Variants in MACROD2 observed in about 807,000 individuals in gnomAD.
MACROD2 encodes the protein ADP-ribose glycohydrolase MACROD2.
A neutral mutation model predicts 70.4 loss-of-function variants in MACROD2; 36 were observed. That is an observed-to-expected ratio of 0.51 (90% CI 0.39 to 0.68). The LOEUF is 0.68. MACROD2 is among the 30% of genes least tolerant of loss of function. The probability of loss-of-function intolerance (pLI) is 0.00; values close to 1 mark genes in which losing one functional copy is unlikely to be tolerated. For synonymous variants in MACROD2, 172 were observed against 178.8 expected (o/e 0.96, Z 0.30); for missense variants, 496 against 538.4 (o/e 0.92, Z 0.78).
Position 15,968,797 on chromosome 20 carries a change from G to GTATA in MACROD2, c.985+1206_985+1209dup, listed in dbSNP as rs35259261. On this transcript the variant is annotated intron_variant, in intron 13 of 17. Coordinates refer to ENST00000684519, the MANE Select transcript of MACROD2 (RefSeq NM_001351661.2). The stretch of plus-strand genomic sequence containing the variant: ...AAACATATAATATTATATATTATGC[G>GTATA]TATATATATATATATATATATATAT... Among the ~76,000 whole-genome samples the GTATA allele has an allele frequency of 1.1e-3, 114 of 106,772 alleles. 1 individual carries two copies. The highest frequency in any genetic ancestry group is 1.7e-3 in the South Asian group (5 of 2,964). The allele number at this position is 106,772 out of a possible 152,430, so 70.0% of individuals were successfully genotyped here. A position where few individuals can be genotyped will look rare whatever the true frequency, so the allele number is the denominator to read the frequency against.
At chr20:15,360,737 T>A (rs2078342380) in intron 6 of MACROD2, among the ~76,000 whole-genome samples, 1 of 152,144 alleles carries the variant, frequency 6.6e-6, no homozygotes, top group Non-Finnish European at 1.5e-5. Flanking sequence ...TTCTTCCCCC[T>A]ACCTGTTCTA....
At chr20:16,026,199 G>T (rs67859218) in intron 15 of MACROD2, among the ~76,000 whole-genome samples, 29,154 of 151,780 alleles carry the variant, frequency 0.19, 3,181 homozygotes, top group African/African-American at 0.3. Context: ...CAAAAACAAA[G>T]GAGAATCAAA....
intron 11 of MACROD2, among the ~76,000 whole-genome samples, chr20:15,936,996 C>T (rs1487685150): frequency 6.6e-6 from 1 of 152,138 alleles, no homozygotes; most frequent in Non-Finnish European, 1.5e-5. Flanking sequence ...TTCTTCCAGG[C>T]CTCTGTGCTG....
intron 8 of MACROD2, among the ~76,000 whole-genome samples, chr20:15,663,783 G>A (rs188321177): frequency 6.6e-6 from 1 of 152,270 alleles, no homozygotes; most frequent in Admixed American, 6.5e-5. Flanking sequence ...AGAACGAGTA[G>A]CATTTTCTCC....
intron 6 of MACROD2, among the ~76,000 whole-genome samples, chr20:15,261,034 G>T (rs935288454): frequency 1.3e-5 from 2 of 151,832 alleles, no homozygotes; most frequent in African/African-American, 2.4e-5. Context: ...CAAACTATTG[G>T]CCTTGCTATA....
intron 5 of MACROD2, among the ~76,000 whole-genome samples, chr20:14,698,745 A>T (rs1289681875): frequency 3.3e-5 from 5 of 150,520 alleles, no homozygotes; most frequent in African/African-American, 1.2e-4. Context: ...AAACTTTATT[A>T]ATTTAATTAA....
chr20:16,024,075 G>A (rs966928136), intron 15 of MACROD2, among the ~76,000 whole-genome samples: 3 of 152,188 alleles, frequency 2.0e-5, no homozygotes, highest in Admixed American at 1.3e-4. Context: ...AAATAGCTAG[G>A]AGACTTAGGT....
At chr20:14,069,877 G>A (rs2053815797) in intron 2 of MACROD2, among the ~76,000 whole-genome samples, 2 of 151,716 alleles carry the variant, frequency 1.3e-5, no homozygotes, top group South Asian at 2.1e-4. Context: ...TTGCTTGCAC[G>A]TTGGTGTCTG....
intron 2 of MACROD2, among the ~76,000 whole-genome samples, chr20:14,082,726 T>G (rs1303388772): frequency 6.6e-6 from 1 of 152,154 alleles, no homozygotes; most frequent in Non-Finnish European, 1.5e-5. Context: ...GTCTGTCAAT[T>G]TAATGCCTGA....
At chr20:15,490,846 A>T (rs1187183901) in intron 7 of MACROD2, among the ~76,000 whole-genome samples, 1 of 152,220 alleles carries the variant, frequency 6.6e-6, no homozygotes, top group Non-Finnish European at 1.5e-5. Flanking sequence ...GCAAGGAGCC[A>T]GCAAGTCTAG....
chr20:15,937,645 G>C (rs2065685715), intron 12 of MACROD2, 101 bp downstream of exon 12: 3 of 1,070,098 alleles, frequency 2.8e-6, no homozygotes, highest in Non-Finnish European at 4.2e-6. Context: ...AATATAACTA[G>C]GTTTTCTTAA....
chr20:14,695,202 T>C (rs1022427731), intron 5 of MACROD2, among the ~76,000 whole-genome samples: 1 of 152,184 alleles, frequency 6.6e-6, no homozygotes, highest in Non-Finnish European at 1.5e-5. Context: ...TGCCCCATTC[T>C]GAAGGTTCCA....
intron 3 of MACROD2, among the ~76,000 whole-genome samples, chr20:14,336,536 A>T (rs1489264239): frequency 6.6e-6 from 1 of 152,012 alleles, no homozygotes; most frequent in Non-Finnish European, 1.5e-5. Flanking sequence ...CCAATATAAG[A>T]TTTTCCTATT....
intron 5 of MACROD2, among the ~76,000 whole-genome samples, chr20:15,183,906 C>G: frequency 6.6e-6 from 1 of 152,160 alleles, no homozygotes; most frequent in East Asian, 1.9e-4. Context: ...GCCTGGAGCC[C>G]CAATTCTTAA....
At chr20:14,277,244 G>A (rs2082267238) in intron 3 of MACROD2, among the ~76,000 whole-genome samples, 1 of 152,066 alleles carries the variant, frequency 6.6e-6, no homozygotes, top group African/African-American at 2.4e-5. Context: ...GTTCAGGAGA[G>A]TAAGACCATC....
intron 5 of MACROD2, among the ~76,000 whole-genome samples, chr20:15,220,965 G>A (rs186021703): frequency 1.3e-5 from 2 of 152,284 alleles, no homozygotes; most frequent in East Asian, 3.9e-4. Context: ...GCGTGTGGTG[G>A]CACGGGAGTG....
intron 6 of MACROD2, among the ~76,000 whole-genome samples, chr20:15,301,596 T>TTTTTTTTTTTG: frequency 7.2e-6 from 1 of 139,248 alleles, no homozygotes; most frequent in Non-Finnish European, 1.6e-5. Context: ...GTGGCCTTTT[T>TTTTTTTTTTTG]TTTTTTTTTT....
intron 4 of MACROD2, among the ~76,000 whole-genome samples, chr20:14,527,498 A>G (rs1269694959): frequency 2.9e-4 from 3 of 10,192 alleles, no homozygotes; most frequent in African/African-American, 3.8e-4. Context: ...CTCTGATTAT[A>G]TAGGCAAAAA....
intron 5 of MACROD2, among the ~76,000 whole-genome samples, chr20:14,685,413 T>G (rs1373785182): frequency 6.6e-6 from 1 of 152,192 alleles, no homozygotes; most frequent in African/African-American, 2.4e-5. Flanking sequence ...AAAGGCTGAT[T>G]GGCAATTACA....
Sources: allele counts gnomAD v4.1 joint callset (sites outside exome capture counted in the v4.1 genomes callset), GRCh38; gene constraint gnomAD v4.1.1; transcripts MANE v1.5; gene names NCBI Gene and HGNC (gene_info 2026-07-23, HGNC 2026-07-21).